Variants in SUSD4 observed in about 807,000 individuals in gnomAD.
SUSD4 encodes the protein sushi domain-containing protein 4.
In SUSD4, 41 loss-of-function variants were observed where a neutral mutation model predicts 50.5. That is an observed-to-expected ratio of 0.81 (90% CI 0.63 to 1.05). SUSD4 has a LOEUF of 1.05. SUSD4 is among the 50% of genes least tolerant of loss of function. The pLI is 0.00. For synonymous variants in SUSD4, 257 were observed against 257.3 expected (o/e 1.00, Z 0.01); for missense variants, 580 against 634.7 (o/e 0.91, Z 0.93).
intron 5 of SUSD4, among the ~76,000 whole-genome samples, chr1:223,241,010 T>C (rs1660543666): frequency 6.6e-6 from 1 of 152,188 alleles, no homozygotes; most frequent in African/African-American, 2.4e-5. Flanking sequence ...ACTGTGAGCT[T>C]CACAAGTGCT....
chr1:223,314,513 G>A (rs775459366), intron 2 of SUSD4, among the ~76,000 whole-genome samples: 1 of 152,074 alleles, frequency 6.6e-6, no homozygotes, highest in Non-Finnish European at 1.5e-5. Context: ...AGCTGAAAAG[G>A]CTCCATGATA....
At chr1:223,296,957 T>C (rs1277014329) in intron 2 of SUSD4, among the ~76,000 whole-genome samples, 1 of 152,182 alleles carries the variant, frequency 6.6e-6, no homozygotes, top group Non-Finnish European at 1.5e-5. Flanking sequence ...TATGTCCTTA[T>C]AGCAGTGTGA....
chr1:223,270,217 A>G (rs1452113770), intron 3 of SUSD4, among the ~76,000 whole-genome samples: 1 of 152,286 alleles, frequency 6.6e-6, no homozygotes, highest in East Asian at 1.9e-4. Context: ...AAATGCTTGT[A>G]AGCCCAGGTC....
intron 2 of SUSD4, among the ~76,000 whole-genome samples, chr1:223,325,347 A>T (rs1321995401): frequency 2.0e-5 from 3 of 152,218 alleles, no homozygotes. Flanking sequence ...ATCGAGAGTG[A>T]TGGGGAGATT....
At chr1:223,302,809 G>A (rs1300433457) in intron 2 of SUSD4, among the ~76,000 whole-genome samples, 2 of 152,098 alleles carry the variant, frequency 1.3e-5, no homozygotes, top group Non-Finnish European at 2.9e-5. Context: ...ATAAGAGAAG[G>A]TCCCAGAACC....
At chr1:223,289,341 G>T in intron 3 of SUSD4, 1 of 973,622 alleles carries the variant, frequency 1.0e-6, no homozygotes, top group Non-Finnish European at 1.2e-6. Context: ...AATTCATTCA[G>T]TTCTGTAAAT....
At chr1:223,282,721 C>T (rs912846848) in intron 3 of SUSD4, among the ~76,000 whole-genome samples, 2 of 152,110 alleles carry the variant, frequency 1.3e-5, no homozygotes, top group African/African-American at 4.8e-5. Flanking sequence ...ACTTTCTTCA[C>T]AGAATTGGAA....
At chr1:223,258,544 C>T (rs555346360) in intron 5 of SUSD4, among the ~76,000 whole-genome samples, 7 of 151,954 alleles carry the variant, frequency 4.6e-5, no homozygotes, top group African/African-American at 1.7e-4. Flanking sequence ...TGGGGGCATT[C>T]TGGGTTTGGG....
At chr1:223,289,372 T>A (rs765305203) in intron 3 of SUSD4, 2 of 918,306 alleles carry the variant, frequency 2.2e-6, no homozygotes, top group Non-Finnish European at 2.6e-6. Flanking sequence ...ATAAATTTAG[T>A]TCACTTGGAA....
chr1:223,363,638 G>A (rs897635744), intron 1 of SUSD4, 178 bp from the exon 2 acceptor site: 2 of 676,440 alleles, frequency 3.0e-6, no homozygotes, highest in African/African-American at 3.6e-5. Context: ...CCCGAGCCGG[G>A]TGCACTGAGT....
intron 5 of SUSD4, among the ~76,000 whole-genome samples, chr1:223,250,766 G>A (rs1204407944): frequency 1.3e-5 from 2 of 152,212 alleles, no homozygotes; most frequent in Admixed American, 1.3e-4. Context: ...ATACAGGGAA[G>A]CCTCTGTTTG....
In SUSD4 at chr1:223,223,704, C is replaced by T. The variant is rs1322385073; in HGVS notation, c.1062-73G>A. On this transcript the variant is annotated intron_variant, in intron 7 of 8. Transcript: ENST00000366878. ...GGGATGAGGCCACCCATACTCCCTC[C>T]TGCACTCGGGGTCCTCAGGACCCAC... is the stretch of plus-strand genomic sequence containing the variant. 13 of 1,486,806 alleles carry T rather than the reference C, an allele frequency of 8.7e-6. No homozygotes were observed. The Admixed American group carries it at 8.9e-5, about 10-fold the overall frequency. The allele number at this position is 1,486,806 out of a possible 1,614,324, so 92.1% of individuals were successfully genotyped here.
At chr1:223,237,119 G>C (rs886748183) in intron 5 of SUSD4, among the ~76,000 whole-genome samples, 4 of 151,944 alleles carry the variant, frequency 2.6e-5, no homozygotes, top group African/African-American at 9.7e-5. Flanking sequence ...AATGTAAATC[G>C]TATTGTGTTT....
intron 2 of SUSD4, among the ~76,000 whole-genome samples, chr1:223,339,497 C>A (rs911647685): frequency 6.6e-6 from 1 of 152,130 alleles, no homozygotes; most frequent in Non-Finnish European, 1.5e-5. Context: ...CTCCAACCCG[C>A]CATCTCCCTT....
rs754660623 is a variant in SUSD4, at chr1:223,264,799, G to A, written c.555C>T (p.Ala185=). The change falls in exon 5 of 9, where the codon GCC becomes GCT. Residue 185 remains alanine, a synonymous_variant. Coordinates refer to ENST00000366878, the MANE Select transcript of SUSD4 (RefSeq NM_017982.4). The part of the protein sequence containing the change: ...PICQGCLRPL[A]SSNGYVNISE... The stretch of plus-strand genomic sequence containing the variant: ...AGATGTTTACATAGCCATTAGAAGA[G>A]GCTAGAGGTCTCAGGCAGCCTGTGG... 1.1e-5 allele frequency: 17 copies of A among 1,613,894 alleles called. No homozygotes were observed. In the Admixed American group the frequency reaches 2.8e-4, roughly 27 times the overall value.
At chr1:223,252,219 TA>T (rs68004270) in intron 5 of SUSD4, among the ~76,000 whole-genome samples, 15,190 of 128,192 alleles carry the variant, frequency 0.12, 969 homozygotes, top group East Asian at 0.25. Flanking sequence ...AAAGTATAAT[TA>T]AAAAAAAAAA....
At chr1:223,355,776 C>A (rs1023128720) in intron 2 of SUSD4, among the ~76,000 whole-genome samples, 1 of 152,158 alleles carries the variant, frequency 6.6e-6, no homozygotes, top group East Asian at 1.9e-4. Flanking sequence ...TTGCAAAGAA[C>A]GTCACCCTTA....
In SUSD4 at chr1:223,229,250, G is replaced by GT; in HGVS notation, c.862dup (p.Thr288AsnfsTer27). On this transcript the variant is annotated frameshift_variant, in exon 6 of 9. Transcript: ENST00000366878. LOFTEE classifies it high-confidence loss of function. The surrounding 1 kb of genome is among the most constrained non-coding windows in gnomAD (Gnocchi z 4.7). ...AGGAAACCACTCTCCATACTGGCAG[G>GT]TGATGTACTTGTAGTCGCTGGTGAG... The GT allele has an allele frequency of 6.2e-7, 1 of 1,612,858 alleles. No individual in the cohort carries two copies. The highest frequency in any genetic ancestry group is 8.5e-7 in the Non-Finnish European group (1 of 1,178,932).
rs1433756014 is a variant in SUSD4 at position 223,344,178 on chromosome 1, G to A, written c.148+19100C>T. ...AGACAGCCTGACCACCTAAGAAAAC[G>A]GAGCAAGGGCATTTGCAGGTTTTAA... is the stretch of plus-strand genomic sequence containing the variant. On this transcript the variant is annotated intron_variant, in intron 2 of 8. Coordinates refer to ENST00000366878, the MANE Select transcript of SUSD4 (RefSeq NM_017982.4). Among the ~76,000 whole-genome samples, 7 of 152,220 alleles carry A rather than the reference G, an allele frequency of 4.6e-5. No homozygotes were observed. The South Asian group carries it at 1.0e-3, about 23-fold the overall frequency.
Sources: gnomAD v4.1 joint callset for allele counts (sites outside exome capture counted in the v4.1 genomes callset) on GRCh38, gnomAD v4.1.1 for gene constraint, Gnocchi (gnomAD v3.1) non-coding constraint, MANE v1.5 for transcripts, NCBI Gene and HGNC (gene_info 2026-07-23, HGNC 2026-07-21) for gene names.